The following NRXN3 variants were observed in gnomAD, a reference collection of about 807,000 sequenced individuals.
NRXN3 encodes neurexin 3.
Under a neutral mutation model 137.6 loss-of-function variants are expected in NRXN3, and 32 were observed. That is an observed-to-expected ratio of 0.23 (90% confidence interval 0.18 to 0.31). The LOEUF (loss-of-function observed/expected upper bound fraction) is 0.31. Ranked by LOEUF, NRXN3 falls within the 10% of genes least tolerant of loss-of-function variation. The pLI, the probability that NRXN3 is intolerant of heterozygous loss-of-function variation, is 1.00. For missense variants in NRXN3, 1,574 were observed against 2,062.5 expected, an observed-to-expected ratio of 0.76 and a Z score of 4.59; for synonymous variants, 798 against 784.5, an observed-to-expected ratio of 1.02 and a Z score of -0.29.
In NRXN3 at chr14:79,645,571, C is replaced by T. The variant is rs1348294930; in HGVS notation, c.3445-18207C>T. On this transcript the variant is annotated intron_variant, in intron 16 of 20. Transcript: ENST00000335750. ...GCAGGGGTTGCAGTGAGTTGAGATG[C>T]GCCACTGCACTCCAGCTTGGGTGAC... is the stretch of plus-strand genomic sequence containing the variant. Among the ~76,000 whole-genome samples the T allele has an allele frequency of 8.6e-5, 11 of 128,600 alleles. 1 individual carries two copies. Among genetic ancestry groups the T allele is most frequent in the African/African-American group, 2.8e-4 (11 of 39,520 alleles). 84.4% of individuals were successfully genotyped at this position (128,600 alleles called of 152,430 possible).
intron 16 of NRXN3, among the ~76,000 whole-genome samples, chr14:79,499,190 A>T (rs1432033440): frequency 3.9e-5 from 6 of 152,202 alleles, no homozygotes. Context: ...AAAGCTTTGA[A>T]GACCCTGTTT....
Position 79,831,989 on chromosome 14 carries a change from T to C in NRXN3, c.4093+26799T>C, listed in dbSNP as rs79601177. ...TAACAGGCACTTTTATATAAGTCAA[T>C]TGATTTCAGGACACCCCCTCGCCGC... On this transcript the variant is annotated intron_variant, in intron 20 of 20. Transcript: ENST00000335750. Among the ~76,000 whole-genome samples the C allele has an allele frequency of 9.4e-3, 1,436 of 152,214 alleles. 16 individuals carry two copies. The highest frequency in any genetic ancestry group is 0.024 in the Middle Eastern group (7 of 294).
At chr14:78,920,776 G>C (rs2099268860) in intron 10 of NRXN3, among the ~76,000 whole-genome samples, 1 of 152,130 alleles carries the variant, frequency 6.6e-6, no homozygotes. Context: ...TGCAATTATT[G>C]GTTTATTATA....
chr14:78,517,819 T>TTAAG (rs2096232234), intron 4 of NRXN3, among the ~76,000 whole-genome samples: 2 of 152,192 alleles, frequency 1.3e-5, no homozygotes. Flanking sequence ...TATTCTGTTC[T>TTAAG]TAAGTCATCA....
At chr14:79,002,496 G>T (rs923176828) in intron 15 of NRXN3, among the ~76,000 whole-genome samples, 1 of 152,122 alleles carries the variant, frequency 6.6e-6, no homozygotes, top group Admixed American at 6.6e-5. Context: ...GGGTTAGTTT[G>T]CTGAGAATAA....
At chr14:79,104,888 G>C (rs2052087134) in intron 15 of NRXN3, among the ~76,000 whole-genome samples, 1 of 150,506 alleles carries the variant, frequency 6.6e-6, no homozygotes, top group Non-Finnish European at 1.5e-5. Context: ...CAAAGAAGCT[G>C]TGTTTTAGTG....
At chr14:79,567,941 A>G (rs1389870356) in intron 16 of NRXN3, among the ~76,000 whole-genome samples, 1 of 152,130 alleles carries the variant, frequency 6.6e-6, no homozygotes, top group Non-Finnish European at 1.5e-5. Context: ...CTGAAATCAC[A>G]GCACTTAGGG....
intron 16 of NRXN3, among the ~76,000 whole-genome samples, chr14:79,505,487 A>C (rs1037812383): frequency 6.6e-6 from 1 of 152,190 alleles, no homozygotes; most frequent in African/African-American, 2.4e-5. Flanking sequence ...ACTAAGACTA[A>C]AAGTAGTCCA....
At chr14:79,178,512 T>A (rs926960397) in intron 15 of NRXN3, among the ~76,000 whole-genome samples, 1 of 152,242 alleles carries the variant, frequency 6.6e-6, no homozygotes, top group South Asian at 2.1e-4. Context: ...TTTACTTTCA[T>A]CAAATTGTTG....
intron 4 of NRXN3, among the ~76,000 whole-genome samples, chr14:78,409,705 C>T (rs1405168942): frequency 6.6e-6 from 1 of 152,176 alleles, no homozygotes; most frequent in East Asian, 1.9e-4. Context: ...CAATGGCAGG[C>T]ACACACACAT....
intron 16 of NRXN3, among the ~76,000 whole-genome samples, chr14:79,556,735 G>T (rs1235473770): frequency 2.0e-5 from 3 of 151,982 alleles, no homozygotes; most frequent in Non-Finnish European, 2.9e-5. Flanking sequence ...ATTATTTTTT[G>T]TGTAAAGATG....
intron 4 of NRXN3, among the ~76,000 whole-genome samples, chr14:78,520,972 G>A (rs565062997): frequency 3.9e-5 from 6 of 152,200 alleles, no homozygotes; most frequent in East Asian, 1.9e-4. Context: ...CTTTCTCCCC[G>A]GTCAGATTTA....
At chr14:78,430,359 G>A (rs2093831140) in intron 4 of NRXN3, among the ~76,000 whole-genome samples, 1 of 152,234 alleles carries the variant, frequency 6.6e-6, no homozygotes, top group Admixed American at 6.5e-5. Flanking sequence ...CTGGGAATTA[G>A]TATTTTTAGA....
chr14:78,625,155 T>G (rs2152513273), intron 4 of NRXN3, among the ~76,000 whole-genome samples: 1 of 152,354 alleles, frequency 6.6e-6, no homozygotes, highest in African/African-American at 2.4e-5. Flanking sequence ...TCCTTATCTT[T>G]AAAATGAGGG....
chr14:79,589,766 C>T (rs920880837), intron 16 of NRXN3, among the ~76,000 whole-genome samples: 1 of 151,974 alleles, frequency 6.6e-6, no homozygotes, highest in Non-Finnish European at 1.5e-5. Flanking sequence ...GGGTTAACAA[C>T]TCATTAAACA....
intron 10 of NRXN3, among the ~76,000 whole-genome samples, chr14:78,855,162 C>CA (rs199939050): frequency 0.078 from 9,810 of 125,040 alleles, 634 homozygotes; most frequent in African/African-American, 0.18. Flanking sequence ...GACTGCATCT[C>CA]AAAAAAAAAA....
intron 10 of NRXN3, among the ~76,000 whole-genome samples, chr14:78,892,774 C>CTGTGTGTGTGTGTGTGTGTGTGTGTGTG (rs58718552): frequency 5.0e-5 from 7 of 140,066 alleles, no homozygotes; most frequent in Non-Finnish European, 9.4e-5. Flanking sequence ...CCCCCATCTT[C>CTGTGTGTGTGTGTGTGTGTGTGTGTGTG]TGTGTGTGTG....
chr14:78,601,292 G>A (rs1036296240), intron 4 of NRXN3, among the ~76,000 whole-genome samples: 6 of 151,938 alleles, frequency 3.9e-5, no homozygotes, highest in African/African-American at 9.7e-5. Flanking sequence ...TTCACTTTCC[G>A]AAGTTCTCAA....
At chr14:78,255,900 T>C (rs554142973) in intron 2 of NRXN3, among the ~76,000 whole-genome samples, 101 of 152,320 alleles carry the variant, frequency 6.6e-4, no homozygotes, top group African/African-American at 2.2e-3. Flanking sequence ...AGTATATCTG[T>C]TGAATAAATT....
Sources: gnomAD v4.1 joint callset for allele counts (sites outside exome capture counted in the v4.1 genomes callset) on GRCh38, gnomAD v4.1.1 for gene constraint, MANE v1.5 for transcripts, NCBI Gene and HGNC (gene_info 2026-07-23, HGNC 2026-07-21) for gene names.